FAF1: variants seen among roughly 807,000 people sequenced by gnomAD.
FAF1 encodes the protein Fas associated factor 1.
A neutral mutation model predicts 92.5 loss-of-function variants in FAF1; 25 were observed. That is an observed-to-expected ratio of 0.27 (90% confidence interval 0.20 to 0.38). The LOEUF (loss-of-function observed/expected upper bound fraction) is 0.38, where lower values mean the gene tolerates loss of function less well. Ranked by LOEUF, FAF1 falls within the 10% of genes least tolerant of loss-of-function variation. The pLI is 1.00. For synonymous variants in FAF1, 234 were observed against 273.2 expected (o/e 0.86, Z 1.42); for missense variants, 636 against 793.3 (o/e 0.80, Z 2.38).
intron 1 of FAF1, among the ~76,000 whole-genome samples, chr1:50,921,529 A>G (rs1644963059): frequency 6.6e-6 from 1 of 152,160 alleles, no homozygotes; most frequent in Non-Finnish European, 1.5e-5. Context: ...TGTGAAGTCA[A>G]CAAGCGCAGA....
At chr1:50,857,723 CAATT>C (rs1557561582) in intron 2 of FAF1, among the ~76,000 whole-genome samples, 1 of 151,654 alleles carries the variant, frequency 6.6e-6, no homozygotes, top group Non-Finnish European at 1.5e-5. Context: ...CTTTAAAAGT[CAATT>C]AAATTATCTA....
chr1:50,465,277 T>C (rs766918785), intron 18 of FAF1, among the ~76,000 whole-genome samples: 8 of 152,240 alleles, frequency 5.3e-5, no homozygotes, highest in Non-Finnish European at 8.8e-5. Context: ...TTTGAGCTTT[T>C]GATTTCTTAA....
At chr1:50,592,939 A>G (rs78416402) in intron 9 of FAF1, among the ~76,000 whole-genome samples, 1 of 147,084 alleles carries the variant, frequency 6.8e-6, no homozygotes, top group African/African-American at 2.5e-5. Context: ...CTCTGTTTCA[A>G]AAAAAAAAAA....
chr1:50,886,007 CTTT>C (rs1221055152), intron 1 of FAF1, among the ~76,000 whole-genome samples: 1 of 152,106 alleles, frequency 6.6e-6, no homozygotes, highest in Non-Finnish European at 1.5e-5. Context: ...CTCTTTTTAA[CTTT>C]TTGTTTCTAT....
intron 1 of FAF1, among the ~76,000 whole-genome samples, chr1:50,873,889 C>T (rs564775796): frequency 2.6e-5 from 4 of 152,236 alleles, no homozygotes; most frequent in Non-Finnish European, 5.9e-5. Context: ...TCTTGGGTCT[C>T]GCATACCCTG....
chr1:50,462,484 G>A (rs990166947), intron 18 of FAF1, among the ~76,000 whole-genome samples: 1 of 151,914 alleles, frequency 6.6e-6, no homozygotes, highest in Non-Finnish European at 1.5e-5. Flanking sequence ...GTGTTGATCT[G>A]TATTTGTTTA....
intron 15 of FAF1, among the ~76,000 whole-genome samples, chr1:50,526,931 T>C (rs1647843557): frequency 1.3e-5 from 2 of 151,724 alleles, no homozygotes; most frequent in Admixed American, 6.6e-5. Context: ...CTCGGCTCAC[T>C]GCAACGTCTG....
chr1:50,825,680 T>C (rs929944022), intron 2 of FAF1, among the ~76,000 whole-genome samples: 1 of 151,910 alleles, frequency 6.6e-6, no homozygotes, highest in Non-Finnish European at 1.5e-5. Context: ...CCCGACATAA[T>C]AACAAAGATA....
intron 17 of FAF1, among the ~76,000 whole-genome samples, chr1:50,486,205 C>G (rs1646766759): frequency 6.6e-6 from 1 of 152,158 alleles, no homozygotes; most frequent in Non-Finnish European, 1.5e-5. Flanking sequence ...TAAAAGGAAA[C>G]AGTTTGGGTA....
intron 7 of FAF1, among the ~76,000 whole-genome samples, chr1:50,660,708 A>G (rs142093012): frequency 0.013 from 1,988 of 152,008 alleles, 43 homozygotes; most frequent in African/African-American, 0.044. Flanking sequence ...TGGCCAGGCT[A>G]GTCTCGAGCT....
rs1040548620 is a variant in FAF1, at chr1:50,586,160, G to A, written c.841-1349C>T. Among the ~76,000 whole-genome samples the A allele has an allele frequency of 4.0e-4, 61 of 152,000 alleles. 1 individual carries two copies. The highest frequency in any genetic ancestry group is 1.3e-3 in the African/African-American group (54 of 41,374). On this transcript the variant is annotated intron_variant, in intron 9 of 18. Coordinates refer to ENST00000396153, the MANE Select transcript of FAF1 (RefSeq NM_007051.3). ...AGGATCTTAAAAATCTGTCATCGGC[G>A]GTTTTCTAACTTATTTTCATAGGGT... is the stretch of plus-strand genomic sequence containing the variant.
At chr1:50,679,951 A>T (rs1656347968) in intron 7 of FAF1, among the ~76,000 whole-genome samples, 1 of 152,216 alleles carries the variant, frequency 6.6e-6, no homozygotes, top group African/African-American at 2.4e-5. Context: ...TAAGTTCTAG[A>T]GCCTGGTAAT....
intron 3 of FAF1, among the ~76,000 whole-genome samples, chr1:50,794,181 A>T (rs1431505378): frequency 6.6e-6 from 1 of 152,272 alleles, no homozygotes; most frequent in Non-Finnish European, 1.5e-5. Context: ...TAAAGTTTCT[A>T]GAATGCAGTG....
At chr1:50,511,091 A>G (rs537009810) in intron 15 of FAF1, among the ~76,000 whole-genome samples, 1 of 152,310 alleles carries the variant, frequency 6.6e-6, no homozygotes, top group South Asian at 2.1e-4. Flanking sequence ...AGGCTCTCCA[A>G]ATGCATTTAA....
chr1:50,595,976 T>C (rs996623727), intron 9 of FAF1, 145 bp downstream of exon 9: 60 of 610,618 alleles, frequency 9.8e-5, no homozygotes, highest in Middle Eastern at 3.5e-4. Flanking sequence ...ATGGACAGTT[T>C]CTGCCTTCAA....
In FAF1 at chr1:50,740,398, T is replaced by C. The variant is rs372190808; in HGVS notation, c.460-1444A>G. On this transcript the variant is annotated intron_variant, in intron 5 of 18. Transcript: ENST00000396153. ...GGGGAGGGGCAATCTTACACAAGCA[T>C]GGAACATATGGAACTTATTCTTAAC... Among the ~76,000 whole-genome samples, 27 of 152,222 alleles carry C rather than the reference T, an allele frequency of 1.8e-4. No individual in the cohort carries two copies. In the South Asian group the frequency reaches 4.4e-3, roughly 25 times the overall value.
chr1:50,892,918 T>A (rs973982299), intron 1 of FAF1, among the ~76,000 whole-genome samples: 4 of 152,204 alleles, frequency 2.6e-5, no homozygotes, highest in African/African-American at 9.7e-5. Flanking sequence ...ACTGTATTTT[T>A]AAGCAGGTTG....
intron 15 of FAF1, among the ~76,000 whole-genome samples, chr1:50,531,615 A>G (rs1350952358): frequency 6.6e-6 from 1 of 152,162 alleles, no homozygotes; most frequent in Non-Finnish European, 1.5e-5. Flanking sequence ...TCATCCAGTG[A>G]TATGTACTTG....
intron 18 of FAF1, among the ~76,000 whole-genome samples, chr1:50,474,406 T>C (rs1040747010): frequency 1.4e-4 from 22 of 152,128 alleles, no homozygotes; most frequent in Non-Finnish European, 1.2e-4. Flanking sequence ...AGGGGTAGTT[T>C]GTTTTTTTTT....
Sources: allele counts gnomAD v4.1 joint callset (sites outside exome capture counted in the v4.1 genomes callset), GRCh38; gene constraint gnomAD v4.1.1; transcripts MANE v1.5; gene names NCBI Gene and HGNC (gene_info 2026-07-23, HGNC 2026-07-21).